TMCO6: variants seen among roughly 807,000 people sequenced by gnomAD.
TMCO6 encodes transmembrane and coiled-coil domain-containing protein 6.
In TMCO6, 47 loss-of-function variants were observed where a neutral mutation model predicts 61.8. The observed-to-expected ratio is 0.76, with a 90% CI of 0.60 to 0.97. The LOEUF is 0.97. TMCO6 is among the 50% of genes least tolerant of loss of function. TMCO6 has a pLI of 0.00. For synonymous variants in TMCO6, 261 were observed against 254.2 expected (o/e 1.03, Z -0.25); for missense variants, 557 against 601.6 (o/e 0.93, Z 0.78).
At chr5:140,633,046 C>G in the TMCO6 span, 5 of 1,614,058 alleles carry the variant, frequency 3.1e-6, no homozygotes, top group Non-Finnish European at 4.2e-6. Flanking sequence ...GGCACGCGTT[C>G]GACCCCAAGA....
chr5:140,607,256 C>T, the TMCO6 span, among the ~76,000 whole-genome samples: 1 of 152,188 alleles, frequency 6.6e-6, no homozygotes, highest in Non-Finnish European at 1.5e-5. Context: ...CTAAGCTTAC[C>T]TATTATAGAT....
the TMCO6 span, among the ~76,000 whole-genome samples, chr5:140,627,829 G>T: frequency 6.6e-6 from 1 of 151,442 alleles, no homozygotes; most frequent in South Asian, 2.1e-4. Context: ...CTGGGAGGCA[G>T]AGGTTGCAGT....
chr5:140,641,609 C>T, intron 2 of TMCO6, 56 bp from the exon 3 acceptor site: 1 of 1,505,476 alleles, frequency 6.6e-7, no homozygotes, highest in Non-Finnish European at 9.2e-7. Flanking sequence ...CAGAGAGAGA[C>T]TTAGGACTTG....
the TMCO6 span, among the ~76,000 whole-genome samples, chr5:140,624,193 C>G: frequency 6.6e-6 from 1 of 151,804 alleles, no homozygotes; most frequent in Admixed American, 6.6e-5. Context: ...GGTGAAACCC[C>G]GTCTCTACTA....
rs545656201 is a variant in TMCO6 at position 140,642,303 on chromosome 5, G to C, written c.499-12G>C. The C allele has an allele frequency of 6.2e-7, 1 of 1,602,100 alleles. No individual in the cohort carries two copies. Among genetic ancestry groups the C allele is most frequent in the East Asian group, 2.2e-5 (1 of 44,758 alleles). The stretch of plus-strand genomic sequence containing the variant: ...ACAGGCCAAGCCCAGTGCTTTTGTT[G>C]CCTGTTCTCAGGAGCTGTGTCTGTA... On this transcript the variant is annotated splice_polypyrimidine_tract_variant and intron_variant, in intron 4 of 11. Transcript: ENST00000394671.
chr5:140,630,367 G>C, the TMCO6 span, among the ~76,000 whole-genome samples: 629 of 152,056 alleles, frequency 4.1e-3, 7 homozygotes, highest in Non-Finnish European at 6.5e-3. Context: ...GCCTTAGTCA[G>C]CTCAGGCTAC....
upstream of TMCO6, among the ~76,000 whole-genome samples, chr5:140,637,132 C>T (rs180873899): frequency 1.5e-4 from 23 of 152,150 alleles, no homozygotes; most frequent in Admixed American, 2.6e-4. Flanking sequence ...ACAGCTTGTG[C>T]GAGAGCCTCC....
chr5:140,601,990 G>C, the TMCO6 span, among the ~76,000 whole-genome samples: 1 of 152,200 alleles, frequency 6.6e-6, no homozygotes, highest in East Asian at 1.9e-4. Flanking sequence ...TGCCCATGCT[G>C]TTCCCCCAAG....
chr5:140,633,256 C>G, the TMCO6 span: 1 of 713,682 alleles, frequency 1.4e-6, no homozygotes, highest in African/African-American at 1.7e-5. Context: ...TGATCACCTC[C>G]CCACCTCTCT....
At chr5:140,639,888 C>T in intron 2 of TMCO6, 37 bp downstream of exon 2, 1 of 1,550,912 alleles carries the variant, frequency 6.4e-7, no homozygotes, top group Non-Finnish European at 8.8e-7. Flanking sequence ...GAGTCCACGC[C>T]CGCTGGCGCC....
At chr5:140,618,503 CTTTTA>C in the TMCO6 span, among the ~76,000 whole-genome samples, 1 of 150,564 alleles carries the variant, frequency 6.6e-6, no homozygotes, top group Non-Finnish European at 1.5e-5. Context: ...TTTTTTTTAA[CTTTTA>C]TTTTAGGTTT....
In TMCO6 at chr5:140,643,878, G is replaced by A. The variant is rs759320124; in HGVS notation, c.1017G>A (p.Val339=). 6 of 1,614,226 alleles carry A rather than the reference G, an allele frequency of 3.7e-6. No homozygotes were observed. The South Asian group carries it at 6.6e-5, about 18-fold the overall frequency. ...TGCAGCTCAGAGATGAGCGTGTTGT[G>A]GCAGCCTTATTTATCCTTCTGCAGT... The part of the protein sequence containing the change: ...GQMQLRDERV[V]AALFILLQFF... The change falls in exon 9 of 12, where the codon GTG becomes GTA. Residue 339 remains valine (V), a synonymous_variant. Transcript: ENST00000394671.
At chr5:140,639,285 A>C, upstream of TMCO6, 3 of 506,050 alleles carry the variant, frequency 5.9e-6, no homozygotes, top group South Asian at 6.5e-5. Flanking sequence ...GAAATCAATC[A>C]GAGGCAGAGC....
At chr5:140,647,223 C>G (rs761986855), downstream of TMCO6, 3 of 1,522,006 alleles carry the variant, frequency 2.0e-6, no homozygotes, top group Non-Finnish European at 1.8e-6. Flanking sequence ...GTTCCCCTAC[C>G]GGAGCCCCAG....
rs34982352 is a variant in TMCO6, at chr5:140,643,589, G to A, written c.832G>A (p.Gly278Ser). The A allele has an allele frequency of 1.1e-4, 174 of 1,614,112 alleles. No homozygotes were observed. In the Middle Eastern group the frequency reaches 1.3e-3, roughly 12 times the overall value. Residue 278 changes from glycine to serine, a missense_variant, in exon 8 of 12, where the codon GGC (glycine) becomes AGC (serine). Gly to Ser is a moderately conservative substitution (Grantham distance 56). Coordinates refer to ENST00000394671, the MANE Select transcript of TMCO6 (RefSeq NM_018502.5). The stretch of plus-strand genomic sequence containing the variant: ...CCAGGTCAGCAATCCTCTGCTCATT[G>A]GCCATGGGGCTCTGTCTACTCTGGG... Reference protein sequence around the residue: ...CSQVSNPLLIGHGALSTLGLL... With the variant: ...CSQVSNPLLISHGALSTLGLL...
chr5:140,615,327 T>G, the TMCO6 span, among the ~76,000 whole-genome samples: 73 of 152,346 alleles, frequency 4.8e-4, no homozygotes, highest in East Asian at 0.011. Context: ...TAATCCATGT[T>G]CATTGGTAGT....
downstream of TMCO6, chr5:140,647,558 CCT>C (rs1757479604): frequency 1.2e-6 from 2 of 1,611,584 alleles, no homozygotes; most frequent in Admixed American, 1.7e-5. Context: ...TGCCCCGACT[CCT>C]CGACTTGCTG....
the TMCO6 span, among the ~76,000 whole-genome samples, chr5:140,629,230 C>G: frequency 7.9e-5 from 12 of 151,976 alleles, no homozygotes. Flanking sequence ...GATCAAACCA[C>G]TGCACTCCAG....
chr5:140,611,127 G>T, the TMCO6 span, among the ~76,000 whole-genome samples: 1 of 152,170 alleles, frequency 6.6e-6, no homozygotes, highest in African/African-American at 2.4e-5. Context: ...TTCTAACCAA[G>T]TTAGGTCAGA....
Sources: allele counts gnomAD v4.1 joint callset (sites outside exome capture counted in the v4.1 genomes callset), GRCh38; gene constraint gnomAD v4.1.1; transcripts MANE v1.5; gene names NCBI Gene and HGNC (gene_info 2026-07-23, HGNC 2026-07-21).